The following PKHD1 variants were observed in gnomAD, a reference collection of about 807,000 sequenced individuals.
PKHD1 encodes fibrocystin.
Under a neutral mutation model 412.0 loss-of-function variants are expected in PKHD1, and 291 were observed. The ratio of observed to expected loss-of-function variants is 0.71; its 90% CI spans 0.64 to 0.78. PKHD1 has a LOEUF of 0.78. PKHD1 is among the 30% of genes least tolerant of loss of function. PKHD1 has a pLI of 0.00. For synonymous variants in PKHD1, 1,777 were observed against 1,821.5 expected (o/e 0.98, Z 0.62); for missense variants, 4,825 against 4,950.7 (o/e 0.97, Z 0.76).
At chr6:51,740,445 G>A (rs1784423627) in intron 60 of PKHD1, among the ~76,000 whole-genome samples, 1 of 152,144 alleles carries the variant, frequency 6.6e-6, no homozygotes, top group Non-Finnish European at 1.5e-5. Flanking sequence ...AAATGACTTG[G>A]AGAGATATGT....
chr6:52,046,231 A>C (rs760758374), intron 23 of PKHD1, 43 bp from the exon 24 acceptor site: 25 of 1,408,454 alleles, frequency 1.8e-5, no homozygotes, highest in Non-Finnish European at 2.5e-5. Flanking sequence ...GACACTAATT[A>C]ATCCACCTTA....
chr6:51,922,700 C>T (rs1784894132), intron 37 of PKHD1, among the ~76,000 whole-genome samples: 1 of 152,234 alleles, frequency 6.6e-6, no homozygotes, highest in Non-Finnish European at 1.5e-5. Flanking sequence ...TCTCAGACAG[C>T]TGTGCTAGCA....
intron 43 of PKHD1, among the ~76,000 whole-genome samples, chr6:51,902,887 A>G (rs1269634533): frequency 1.3e-5 from 2 of 152,200 alleles, no homozygotes; most frequent in African/African-American, 2.4e-5. Context: ...AGGTTATTGA[A>G]GTGGACTTCA....
intron 52 of PKHD1, among the ~76,000 whole-genome samples, chr6:51,823,927 A>T (rs1479622706): frequency 1.3e-5 from 2 of 152,178 alleles, no homozygotes; most frequent in African/African-American, 4.8e-5. Context: ...CTCAAAATTC[A>T]ATCCTATTTT....
intron 10 of PKHD1, among the ~76,000 whole-genome samples, chr6:52,069,798 T>C (rs1810326516): frequency 6.6e-6 from 1 of 152,228 alleles, no homozygotes; most frequent in South Asian, 2.1e-4. Flanking sequence ...TAGTCCTTAG[T>C]TGGCCTATAG....
At chr6:51,986,559 A>C (rs1372226249) in intron 35 of PKHD1, among the ~76,000 whole-genome samples, 1 of 152,242 alleles carries the variant, frequency 6.6e-6, no homozygotes, top group East Asian at 1.9e-4. Flanking sequence ...ATTTTTTTAA[A>C]AAGTGAAACA....
chr6:51,826,675 A>G (rs370314995), intron 52 of PKHD1, among the ~76,000 whole-genome samples: 61 of 152,310 alleles, frequency 4.0e-4, no homozygotes, highest in African/African-American at 1.4e-3. Context: ...TGTTGAAGCA[A>G]AGTTATCACG....
chr6:51,878,917 C>T (rs1776955004), intron 46 of PKHD1, among the ~76,000 whole-genome samples: 1 of 73,764 alleles, frequency 1.4e-5, no homozygotes, highest in Non-Finnish European at 2.3e-5. Context: ...TCAGCAAAGT[C>T]TCAGGATACA....
intron 60 of PKHD1, among the ~76,000 whole-genome samples, chr6:51,680,179 C>T (rs879808774): frequency 3.9e-5 from 6 of 151,944 alleles, no homozygotes; most frequent in Non-Finnish European, 5.9e-5. Context: ...AAAATAGTCT[C>T]TCTAGCAGTA....
At chr6:51,832,067 C>T (rs778975674) in intron 51 of PKHD1, among the ~76,000 whole-genome samples, 1 of 152,032 alleles carries the variant, frequency 6.6e-6, no homozygotes, top group Non-Finnish European at 1.5e-5. Flanking sequence ...TGAGCACCTT[C>T]TCTATTAGAA....
chr6:51,660,737 GCATGGAGCTTCCATGCCCT>G (rs1772704503), intron 60 of PKHD1, among the ~76,000 whole-genome samples: 1 of 152,152 alleles, frequency 6.6e-6, no homozygotes, highest in Admixed American at 6.5e-5. Context: ...TGTGGGAAGG[GCATGGAGCTTCCATGCCCT>G]CTGCATGTGC....
chr6:52,000,401 G>A (rs1034134012), intron 35 of PKHD1, among the ~76,000 whole-genome samples: 11 of 151,782 alleles, frequency 7.2e-5, no homozygotes, highest in Admixed American at 2.0e-4. Flanking sequence ...ATTTGGAAAG[G>A]CTCAGAAAAA....
intron 36 of PKHD1, among the ~76,000 whole-genome samples, chr6:51,951,671 T>C (rs1790388028): frequency 6.6e-6 from 1 of 152,196 alleles, no homozygotes; most frequent in Non-Finnish European, 1.5e-5. Flanking sequence ...CCCAGGAATA[T>C]TGTATAGAAA....
intron 27 of PKHD1, among the ~76,000 whole-genome samples, chr6:52,037,534 C>T (rs1263505966): frequency 2.6e-5 from 4 of 152,042 alleles, no homozygotes; most frequent in African/African-American, 9.7e-5. Context: ...AGGAGATAAA[C>T]AGACATTTCA....
chr6:52,070,127 T>C (rs111669484), intron 10 of PKHD1, among the ~76,000 whole-genome samples: 164 of 152,280 alleles, frequency 1.1e-3, no homozygotes, highest in Non-Finnish European at 1.5e-3. Context: ...TGTGACAGTT[T>C]TCAACCTACA....
intron 60 of PKHD1, among the ~76,000 whole-genome samples, chr6:51,729,516 ATTTTCT>A (rs1194930219): frequency 1.3e-5 from 2 of 152,020 alleles, no homozygotes; most frequent in Non-Finnish European, 2.9e-5. Flanking sequence ...GGCATGATAT[ATTTTCT>A]TTTTCATTTT....
intron 60 of PKHD1, among the ~76,000 whole-genome samples, chr6:51,678,036 C>T (rs1776121630): frequency 6.6e-6 from 1 of 152,004 alleles, no homozygotes; most frequent in East Asian, 1.9e-4. Context: ...ATGTTTTCAC[C>T]TGAAAACATC....
intron 43 of PKHD1, among the ~76,000 whole-genome samples, chr6:51,900,456 T>C (rs371271021): frequency 2.0e-5 from 3 of 152,178 alleles, no homozygotes; most frequent in Admixed American, 6.6e-5. Flanking sequence ...GCTGGGAAAA[T>C]TGGCTAGCCA....
At chr6:52,017,948 C>G (rs566068235) in intron 33 of PKHD1, among the ~76,000 whole-genome samples, 1 of 152,286 alleles carries the variant, frequency 6.6e-6, no homozygotes, top group African/African-American at 2.4e-5. Flanking sequence ...TCAGAAATAA[C>G]CACTTGGCAT....
Sources: allele counts gnomAD v4.1 joint callset (sites outside exome capture counted in the v4.1 genomes callset), GRCh38; gene constraint gnomAD v4.1.1; transcripts MANE v1.5; gene names NCBI Gene and HGNC (gene_info 2026-07-23, HGNC 2026-07-21).